LDHA: variants seen among roughly 807,000 people sequenced by gnomAD.
The protein encoded by LDHA is L-lactate dehydrogenase A chain.
A neutral mutation model predicts 36.3 loss-of-function variants in LDHA; 10 were observed. That is an observed-to-expected ratio of 0.28 (90% CI 0.17 to 0.47). LDHA has a LOEUF of 0.47. LDHA is among the 20% of genes least tolerant of loss of function. The probability of loss-of-function intolerance (pLI) is 0.99; values close to 1 mark genes in which losing one functional copy is unlikely to be tolerated. For synonymous variants in LDHA, 110 were observed against 136.7 expected (o/e 0.80, Z 1.36); for missense variants, 267 against 405.8 (o/e 0.66, Z 2.94).
Position 18,404,664 on chromosome 11 carries a change from C to T in LDHA, c.711-785C>T, listed in dbSNP as rs1348661775. Among the ~76,000 whole-genome samples, 29 of 151,836 alleles carry T rather than the reference C, an allele frequency of 1.9e-4. 1 individual carries two copies. The highest frequency in any genetic ancestry group is 4.2e-4 in the South Asian group (2 of 4,796). ...TCTACTAAAAATACAAAAAATTAGC[C>T]GGGCGTGGTGGCAGGCGCCTGTAGT... is the stretch of plus-strand genomic sequence containing the variant. On this transcript the variant is annotated intron_variant, in intron 6 of 7. Transcript: ENST00000422447.
Position 18,407,527 on chromosome 11 carries a change from C to A in LDHA, c.*246C>A. The A allele has an allele frequency of 1.3e-6, 1 of 776,028 alleles. No individual in the cohort carries two copies. Among genetic ancestry groups the A allele is most frequent in the Non-Finnish European group, 2.2e-6 (1 of 452,916 alleles). The allele number at this position is 776,028 out of a possible 1,614,324, so 48.1% of individuals were successfully genotyped here. A position where few individuals can be genotyped will look rare whatever the true frequency, so the allele number is the denominator to read the frequency against. ...GGTTAGTGTGAAATAGTTCTGCCACCTCTGACGCACCACTGCCAATGCTGT... is the reference window on the plus strand; with the variant it reads ...GGTTAGTGTGAAATAGTTCTGCCACATCTGACGCACCACTGCCAATGCTGT... On this transcript the variant is annotated 3_prime_UTR_variant, in exon 8 of 8. Transcript: ENST00000422447.
intron 3 of LDHA, chr11:18,400,493 G>A: frequency 8.3e-6 from 3 of 361,264 alleles, no homozygotes; most frequent in Non-Finnish European, 1.6e-5. Flanking sequence ...GAAATTGCCT[G>A]TTCCTGGGCT....
rs1390442074 is a variant in LDHA, at chr11:18,407,585, T to C, written c.*304T>C. On this transcript the variant is annotated 3_prime_UTR_variant, in exon 8 of 8. Transcript: ENST00000422447. ...GCATTTGCCCCTTGAGCCAGGTGGA[T>C]GTTTACCGTGTGTTATATAACTTCC... 1.5e-6 allele frequency: 1 copy of C among 680,432 alleles called. No individual in the cohort carries two copies. The highest frequency in any genetic ancestry group is 2.0e-5 in the Admixed American group (1 of 49,182). The allele number at this position is 680,432 out of a possible 1,614,324, so 42.1% of individuals were successfully genotyped here.
chr11:18,400,399 G>A, intron 3 of LDHA: 1 of 275,842 alleles, frequency 3.6e-6, no homozygotes, highest in Non-Finnish European at 7.0e-6. Flanking sequence ...AGCTGTCTCT[G>A]CTTAAAAACA....
Position 18,403,712 on chromosome 11 carries a change from T to A in LDHA, c.611T>A (p.Met204Lys). The A allele has an allele frequency of 6.3e-7, 1 of 1,596,054 alleles. No individual in the cohort carries two copies. Among genetic ancestry groups the A allele is most frequent in the Non-Finnish European group, 8.6e-7 (1 of 1,163,634 alleles). The part of the protein sequence containing the change: ...GDSSVPVWSG[M>K]NVAGVSLKTL... Reference sequence around the variant, plus strand: ...CTTTTAGTGCCTGTATGGAGTGGAATGAATGTTGCTGGTGTCTCTCTGAAG... The same window carrying A: ...CTTTTAGTGCCTGTATGGAGTGGAAAGAATGTTGCTGGTGTCTCTCTGAAG... The change falls in exon 6 of 8, where the codon ATG becomes AAG. Residue 204 changes from methionine (M) to lysine (K), a missense_variant. By Grantham distance (95) the Met-to-Lys change is moderately conservative (BLOSUM62 -1). Coordinates refer to ENST00000422447, the MANE Select transcript of LDHA (RefSeq NM_005566.4).
Position 18,402,661 on chromosome 11 carries a change from CAA to C in LDHA, c.419-176_419-175del, listed in dbSNP as rs1400217972. ...TAGTGTAGAGGCTTAAAAATATTAA[CAA>C]AATTATTGGTTAGCCATGATCAATA... On this transcript the variant is annotated intron_variant, in intron 4 of 7. Coordinates refer to ENST00000422447, the MANE Select transcript of LDHA (RefSeq NM_005566.4). 6 of 603,730 alleles carry C rather than the reference CAA, an allele frequency of 9.9e-6. No individual in the cohort carries two copies. In the Admixed American group the frequency reaches 1.6e-4, roughly 16 times the overall value. The allele number at this position is 603,730 out of a possible 1,614,324, so 37.4% of individuals were successfully genotyped here. A position where few individuals can be genotyped will look rare whatever the true frequency, so the allele number is the denominator to read the frequency against.
Position 18,397,172 on chromosome 11 carries a change from C to T in LDHA, c.126+204C>T, listed in dbSNP as rs4274186. 0.69 allele frequency: 351,042 copies of T among 507,206 alleles called. 123,740 individuals are homozygous for T. The highest frequency in any genetic ancestry group is 0.75 in the South Asian group (24,260 of 32,256). 31.4% of individuals were successfully genotyped at this position (507,206 alleles called of 1,614,324 possible). A position where few individuals can be genotyped will look rare whatever the true frequency, so the allele number is the denominator to read the frequency against. Reference sequence around the variant, plus strand: ...GAAATTAAAAAGAATCAAAGGTTGTCAGGCTGGAGACCCAGTTCCTAAAAT... The same window carrying T: ...GAAATTAAAAAGAATCAAAGGTTGTTAGGCTGGAGACCCAGTTCCTAAAAT... On this transcript the variant is annotated intron_variant, in intron 2 of 7. Coordinates refer to ENST00000422447, the MANE Select transcript of LDHA (RefSeq NM_005566.4).
At chr11:18,397,783 C>A (rs532381928) in intron 2 of LDHA, among the ~76,000 whole-genome samples, 2 of 152,030 alleles carry the variant, frequency 1.3e-5, no homozygotes, top group Non-Finnish European at 2.9e-5. Flanking sequence ...TCCACTCCAG[C>A]CTGGGCGACA....
Position 18,405,485 on chromosome 11 carries a change from C to T in LDHA, c.747C>T (p.Ser249=), listed in dbSNP as rs768715402. Residue 249 remains serine, a synonymous_variant, in exon 7 of 8, where the codon TCC becomes TCT. Transcript: ENST00000422447. The part of the protein sequence containing the change: ...YEVIKLKGYT[S]WAIGLSVADL... ...TGATCAAACTCAAAGGCTACACATC[C>T]TGGGCTATTGGACTCTCTGTAGCAG... 2.5e-6 allele frequency: 4 copies of T among 1,613,602 alleles called. No individual in the cohort carries two copies. The highest frequency in any genetic ancestry group is 2.2e-5 in the South Asian group (2 of 91,056).
chr11:18,394,647 G>A lies in LDHA; in HGVS notation c.-25+11G>A, dbSNP rs951513955. The stretch of plus-strand genomic sequence containing the variant: ...CGACGTGCATTCCCGGTACGGTAGG[G>A]CCCTGCGCGCACGGCGCCAGAGGGA... On this transcript the variant is annotated intron_variant, in intron 1 of 7. Transcript: ENST00000422447. The A allele has an allele frequency of 2.2e-6, 1 of 453,878 alleles. No homozygotes were observed. The highest frequency in any genetic ancestry group is 4.4e-6 in the Non-Finnish European group (1 of 226,736). The allele number at this position is 453,878 out of a possible 1,614,324, so 28.1% of individuals were successfully genotyped here.
intron 4 of LDHA, chr11:18,402,538 T>TC (rs1866543934): frequency 8.6e-6 from 3 of 350,562 alleles, no homozygotes; most frequent in Admixed American, 4.0e-5. Context: ...CCTCAGGCAG[T>TC]CCTCCCACCT....
At position 18,407,128 on chromosome 11, in the gene LDHA, A is replaced by C; in HGVS notation, c.846A>C (p.Gly282=). 1 of 1,593,760 alleles carries C rather than the reference A, an allele frequency of 6.3e-7. No individual in the cohort carries two copies. The highest frequency in any genetic ancestry group is 1.1e-5 in the South Asian group (1 of 89,564). The change falls in exon 8 of 8, where the codon GGA becomes GGC. Residue 282 remains glycine, a synonymous_variant. Coordinates refer to ENST00000422447, the MANE Select transcript of LDHA (RefSeq NM_005566.4). The part of the protein sequence containing the change: ...PVSTMIKGLY[G]IKDDVFLSVP... The stretch of plus-strand genomic sequence containing the variant: ...CATTTCATCTTCAGGGTCTTTACGG[A>C]ATAAAGGATGATGTCTTCCTTAGTG...
rs368815124 is a variant in LDHA at position 18,402,891 on chromosome 11, G to T, written c.470G>T (p.Arg157Leu). The change falls in exon 5 of 8, where the codon CGT becomes CTT. Residue 157 changes from arginine (R) to leucine (L), a missense_variant. Coordinates refer to ENST00000422447, the MANE Select transcript of LDHA (RefSeq NM_005566.4). ...AWKISGFPKN[R>L]VIGSGCNLDS... ...AAGATAAGTGGTTTTCCCAAAAACC[G>T]TGTTATTGGAAGCGGTTGCAATCTG... 2 of 1,611,554 alleles carry T rather than the reference G, an allele frequency of 1.2e-6. No homozygotes were observed. Among genetic ancestry groups the T allele is most frequent in the Non-Finnish European group, 1.7e-6 (2 of 1,177,676 alleles).
At chr11:18,406,126 C>T (rs775733532) in intron 7 of LDHA, among the ~76,000 whole-genome samples, 26 of 152,042 alleles carry the variant, frequency 1.7e-4, no homozygotes, top group Non-Finnish European at 3.1e-4. Flanking sequence ...CCACCACGCC[C>T]GGCTACTTTT....
chr11:18,394,800 C>A, intron 1 of LDHA, 164 bp downstream of exon 1: 1 of 380,358 alleles, frequency 2.6e-6, no homozygotes, highest in South Asian at 1.9e-5. Flanking sequence ...CGGCGGCCCA[C>A]ACAACGCATG....
intron 6 of LDHA, among the ~76,000 whole-genome samples, chr11:18,405,041 C>A (rs563826730): frequency 6.6e-6 from 1 of 152,160 alleles, no homozygotes. Context: ...CTGTCCCCCT[C>A]ACGCTCCCAC....
intron 5 of LDHA, among the ~76,000 whole-genome samples, chr11:18,403,396 T>C (rs1031781085): frequency 2.0e-5 from 3 of 152,210 alleles, no homozygotes; most frequent in Admixed American, 1.3e-4. Context: ...GATTAGGTTC[T>C]GTATGCTAAG....
intron 4 of LDHA, among the ~76,000 whole-genome samples, chr11:18,402,044 C>T (rs893796727): frequency 6.3e-5 from 9 of 143,118 alleles, no homozygotes; most frequent in Admixed American, 2.2e-4. Flanking sequence ...GCAACCTCTG[C>T]CTCCTGGGTT....
At chr11:18,397,668 G>T (rs1214751740) in intron 2 of LDHA, among the ~76,000 whole-genome samples, 1 of 152,088 alleles carries the variant, frequency 6.6e-6, no homozygotes, top group Non-Finnish European at 1.5e-5. Context: ...AAAATTAGCC[G>T]GGCGTGGTGG....
Sources: allele counts gnomAD v4.1 joint callset (sites outside exome capture counted in the v4.1 genomes callset), GRCh38; gene constraint gnomAD v4.1.1; transcripts MANE v1.5; gene names NCBI Gene and HGNC (gene_info 2026-07-23, HGNC 2026-07-21).